Variants in GABRB1 observed in about 807,000 individuals in gnomAD.
GABRB1 encodes gamma-aminobutyric acid receptor subunit beta-1.
A neutral mutation model predicts 51.6 loss-of-function variants in GABRB1; 17 were observed. The observed-to-expected ratio is 0.33, with a 90% CI of 0.23 to 0.49. The LOEUF is 0.49. GABRB1 is among the 20% of genes least tolerant of loss of function. The pLI is 0.99. For synonymous variants in GABRB1, 247 were observed against 218.9 expected, an observed-to-expected ratio of 1.13 and a Z score of -1.14; for missense variants, 410 against 600.6, an observed-to-expected ratio of 0.68 and a Z score of 3.32.
At chr4:47,354,995 T>TTTTTG (rs1560348650) in intron 5 of GABRB1, among the ~76,000 whole-genome samples, 2 of 138,936 alleles carry the variant, frequency 1.4e-5, no homozygotes. Flanking sequence ...TTTTTTTTTT[T>TTTTTG]TTTTTTTTTT....
chr4:47,305,751 T>C (rs1236050863), intron 4 of GABRB1, among the ~76,000 whole-genome samples: 3 of 152,176 alleles, frequency 2.0e-5, no homozygotes. Context: ...TCACCCAGTA[T>C]TAAATACCAA....
intron 4 of GABRB1, among the ~76,000 whole-genome samples, chr4:47,228,287 A>T (rs1263996053): frequency 6.6e-6 from 1 of 152,146 alleles, no homozygotes; most frequent in African/African-American, 2.4e-5. Flanking sequence ...CTGTGAAACC[A>T]GATGAATTAT....
At chr4:47,036,667 G>A (rs1313030571) in intron 3 of GABRB1, among the ~76,000 whole-genome samples, 2 of 152,056 alleles carry the variant, frequency 1.3e-5, no homozygotes, top group Non-Finnish European at 2.9e-5. Context: ...TTTAAGACTA[G>A]CCTGGCCAAC....
At chr4:47,280,034 A>C (rs947901890) in intron 4 of GABRB1, among the ~76,000 whole-genome samples, 5 of 151,538 alleles carry the variant, frequency 3.3e-5, no homozygotes, top group African/African-American at 9.7e-5. Flanking sequence ...GCATTTTGTT[A>C]ATTGTTTCTG....
rs766006345 is a variant in GABRB1 at position 47,032,805 on chromosome 4, G to A, written c.240+321G>A. The A allele has an allele frequency of 9.9e-4, 534 of 537,804 alleles. 4 individuals carry two copies. Among genetic ancestry groups the A allele is most frequent in the Non-Finnish European group, 1.4e-3 (372 of 270,526 alleles). 33.3% of individuals were successfully genotyped at this position (537,804 alleles called of 1,614,324 possible). A position where few individuals can be genotyped will look rare whatever the true frequency, so the allele number is the denominator to read the frequency against. Reference sequence around the variant, plus strand: ...TTCCCTGCGTGTTTGGATGAGGAGGGCACCATCTGCTGGCAGCCGGGCGGC... The same window carrying A: ...TTCCCTGCGTGTTTGGATGAGGAGGACACCATCTGCTGGCAGCCGGGCGGC... On this transcript the variant is annotated intron_variant, in intron 3 of 8. Coordinates refer to ENST00000295454, the MANE Select transcript of GABRB1 (RefSeq NM_000812.4).
At chr4:47,264,504 A>G (rs1487331442) in intron 4 of GABRB1, among the ~76,000 whole-genome samples, 1 of 152,208 alleles carries the variant, frequency 6.6e-6, no homozygotes, top group Non-Finnish European at 1.5e-5. Context: ...ACCCCAGGGT[A>G]TGCCTACTCT....
chr4:47,364,496 T>G (rs1726913454), intron 5 of GABRB1, among the ~76,000 whole-genome samples: 1 of 149,680 alleles, frequency 6.7e-6, no homozygotes, highest in African/African-American at 2.5e-5. Context: ...AAGAATAAAG[T>G]TGAGAATAAA....
upstream of GABRB1, among the ~76,000 whole-genome samples, chr4:47,030,854 A>T (rs1725266270): frequency 6.6e-6 from 1 of 151,828 alleles, no homozygotes; most frequent in African/African-American, 2.4e-5. Context: ...CTTGCAGTGG[A>T]TGGCCCTAGA....
chr4:47,123,034 C>G (rs1715850234), intron 3 of GABRB1, among the ~76,000 whole-genome samples: 1 of 152,036 alleles, frequency 6.6e-6, no homozygotes, highest in Non-Finnish European at 1.5e-5. Context: ...AAATAGGAAG[C>G]TGCAATTATA....
At chr4:47,329,893 G>A (rs1578098856) in intron 5 of GABRB1, among the ~76,000 whole-genome samples, 1 of 151,942 alleles carries the variant, frequency 6.6e-6, no homozygotes, top group East Asian at 1.9e-4. Flanking sequence ...TTTATTATAA[G>A]GAATTGGCTC....
intron 3 of GABRB1, among the ~76,000 whole-genome samples, chr4:47,092,657 T>G (rs1418963271): frequency 6.6e-6 from 1 of 151,312 alleles, no homozygotes; most frequent in East Asian, 1.9e-4. Flanking sequence ...CAGGTTGGAG[T>G]GCAGTGGCGC....
intron 3 of GABRB1, among the ~76,000 whole-genome samples, chr4:47,061,585 A>G (rs1726846121): frequency 6.6e-6 from 1 of 152,186 alleles, no homozygotes; most frequent in Non-Finnish European, 1.5e-5. Flanking sequence ...GTGGTTAACA[A>G]TGTTTTAAGG....
intron 4 of GABRB1, among the ~76,000 whole-genome samples, chr4:47,236,934 G>A (rs901197342): frequency 3.3e-5 from 5 of 152,020 alleles, no homozygotes; most frequent in African/African-American, 1.2e-4. Context: ...AAAAGCGGAC[G>A]TAAGAAATTT....
chr4:47,332,444 A>T (rs1725519984), intron 5 of GABRB1, among the ~76,000 whole-genome samples: 1 of 152,168 alleles, frequency 6.6e-6, no homozygotes, highest in Non-Finnish European at 1.5e-5. Flanking sequence ...GGGGTCTTGG[A>T]TTTTCTATGA....
chr4:47,016,564 T>C, intron 1 of GABRB1, among the ~76,000 whole-genome samples: 1 of 151,512 alleles, frequency 6.6e-6, no homozygotes, highest in South Asian at 2.1e-4. Context: ...GTGCAGATTA[T>C]TTATTTATTT....
intron 4 of GABRB1, among the ~76,000 whole-genome samples, chr4:47,204,028 G>T (rs1346994856): frequency 1.3e-5 from 2 of 152,188 alleles, no homozygotes; most frequent in East Asian, 3.8e-4. Flanking sequence ...TGAAATTACA[G>T]TTGCAGAAGA....
chr4:47,031,750 A>ATCTCTCTC lies in GABRB1; in HGVS notation c.80+23_80+24insTCTCTCTC. 6.6e-7 allele frequency: 1 copy of ATCTCTCTC among 1,524,488 alleles called. No homozygotes were observed. The highest frequency in any genetic ancestry group is 8.9e-7 in the Non-Finnish European group (1 of 1,120,538). The allele number at this position is 1,524,488 out of a possible 1,614,324, so 94.4% of individuals were successfully genotyped here. A position where few individuals can be genotyped will look rare whatever the true frequency, so the allele number is the denominator to read the frequency against. On this transcript the variant is annotated intron_variant, in intron 1 of 8. Transcript: ENST00000295454. The stretch of plus-strand genomic sequence containing the variant: ...CACACAGGTGAGCTGCTGTTGTTGA[A>ATCTCTCTC]TCTCGCTCTCTCTCTCTCTCTCTCT...
In GABRB1 at chr4:47,215,883, A is replaced by G. The variant is rs373213838; in HGVS notation, c.461+54414A>G. Among the ~76,000 whole-genome samples the G allele has an allele frequency of 2.6e-5, 4 of 152,218 alleles. 1 individual carries two copies. Among genetic ancestry groups the G allele is most frequent in the Middle Eastern group, 6.8e-3 (2 of 294 alleles). On this transcript the variant is annotated intron_variant, in intron 4 of 8. Transcript: ENST00000295454. The stretch of plus-strand genomic sequence containing the variant: ...GCCAGCTCAGTCAAATTCTTCATTC[A>G]TATTGGATGACACAGCTCCTCTGAA...
intron 7 of GABRB1, among the ~76,000 whole-genome samples, chr4:47,404,346 A>G (rs1728497013): frequency 2.0e-5 from 3 of 152,148 alleles, no homozygotes; most frequent in Admixed American, 2.0e-4. Flanking sequence ...GACAGGCTAT[A>G]TTTGAGACTT....
Sources: gnomAD v4.1 joint callset for allele counts (sites outside exome capture counted in the v4.1 genomes callset) on GRCh38, gnomAD v4.1.1 for gene constraint, MANE v1.5 for transcripts, NCBI Gene and HGNC (gene_info 2026-07-23, HGNC 2026-07-21) for gene names.